Variants in RIC8B observed in about 807,000 individuals in gnomAD.
The protein encoded by RIC8B is RIC8 guanine nucleotide exchange factor B, also known as chaperone Ric-8B.
A neutral mutation model predicts 57.5 loss-of-function variants in RIC8B; 16 were observed. That is an observed-to-expected ratio of 0.28 (90% CI 0.19 to 0.42). The LOEUF is 0.42. RIC8B is among the 10% of genes least tolerant of loss of function. The probability of loss-of-function intolerance (pLI) is 1.00; values close to 1 mark genes in which losing one functional copy is unlikely to be tolerated. For missense variants in RIC8B, 481 were observed against 677.0 expected (o/e 0.71, Z 3.21); for synonymous variants, 216 against 250.8 (o/e 0.86, Z 1.31).
chr12:106,837,797 A>C (rs1041653980), intron 4 of RIC8B, among the ~76,000 whole-genome samples: 1 of 152,076 alleles, frequency 6.6e-6, no homozygotes, highest in African/African-American at 2.4e-5. Flanking sequence ...ACGCGCCAGC[A>C]TGCCTGGCTA....
chr12:106,826,909 A>G (rs1224734026), intron 4 of RIC8B, among the ~76,000 whole-genome samples: 2 of 152,116 alleles, frequency 1.3e-5, no homozygotes, highest in East Asian at 1.9e-4. Flanking sequence ...CCCTATCTCT[A>G]CTAAAAATAC....
intron 6 of RIC8B, among the ~76,000 whole-genome samples, chr12:106,850,791 A>G (rs1022510373): frequency 6.6e-6 from 1 of 152,162 alleles, no homozygotes; most frequent in Non-Finnish European, 1.5e-5. Flanking sequence ...TTTTAATTAA[A>G]TAAAGGTTGA....
At position 106,860,366 on chromosome 12, in the gene RIC8B, G is replaced by C; in HGVS notation, c.1405G>C (p.Glu469Gln). 6.2e-6 allele frequency: 10 copies of C among 1,605,518 alleles called. No homozygotes were observed. Among genetic ancestry groups the C allele is most frequent in the East Asian group, 2.3e-5 (1 of 44,070 alleles). The change falls in exon 8 of 10, where the codon GAG becomes CAG. Residue 469 changes from glutamate to glutamine, a missense_variant. Glu to Gln is a conservative substitution (Grantham distance 29). Coordinates refer to ENST00000392837, the MANE Select transcript of RIC8B (RefSeq NM_001330145.2). Reference protein sequence around the residue: ...AGGRGDNWYSEDEDTDTEEYK... With the variant: ...AGGRGDNWYSQDEDTDTEEYK... ...AGGAAGAGGAGATAATTGGTACTCA[G>C]AGGATGAGGACACAGACACTGAAGA...
chr12:106,836,140 C>T (rs1436690274), intron 4 of RIC8B, among the ~76,000 whole-genome samples: 1 of 152,198 alleles, frequency 6.6e-6, no homozygotes, highest in Non-Finnish European at 1.5e-5. Context: ...GATCATCACT[C>T]CATTCTTAGA....
intron 4 of RIC8B, among the ~76,000 whole-genome samples, chr12:106,835,586 A>G (rs1376783750): frequency 6.6e-6 from 1 of 152,254 alleles, no homozygotes; most frequent in African/African-American, 2.4e-5. Context: ...CCTAAGGCAT[A>G]CTAGAATTCA....
chr12:106,811,661 A>G (rs992247757), intron 2 of RIC8B, among the ~76,000 whole-genome samples: 12 of 152,164 alleles, frequency 7.9e-5, no homozygotes, highest in Non-Finnish European at 1.6e-4. Context: ...TCTGGGGGTC[A>G]ATTTGGAACA....
Position 106,843,913 on chromosome 12 carries a change from C to T in RIC8B, c.1127C>T (p.Ala376Val), listed in dbSNP as rs769819053. ...VLSLLTECSR[A>V]HRNIRKFLKD... ...AGCTTATTAACCGAATGTTCCCGAGCCCATCGAAACATCCGAAAATTTCTC... is the reference window on the plus strand; with the variant it reads ...AGCTTATTAACCGAATGTTCCCGAGTCCATCGAAACATCCGAAAATTTCTC... Residue 376 changes from alanine (A) to valine (V), a missense_variant, in exon 6 of 10, where the codon GCC becomes GTC. By Grantham distance (64) the Ala-to-Val change is moderately conservative. Coordinates refer to ENST00000392837, the MANE Select transcript of RIC8B (RefSeq NM_001330145.2). 2.5e-6 allele frequency: 4 copies of T among 1,613,436 alleles called. No homozygotes were observed. The highest frequency in any genetic ancestry group is 3.4e-6 in the Non-Finnish European group (4 of 1,179,810).
intron 2 of RIC8B, among the ~76,000 whole-genome samples, chr12:106,795,999 G>A (rs538578872): frequency 3.2e-4 from 49 of 152,260 alleles, no homozygotes; most frequent in African/African-American, 1.1e-3. Context: ...AAGGAAATTA[G>A]AGAAGCTTAA....
At chr12:106,846,150 T>G (rs1399924469) in intron 6 of RIC8B, among the ~76,000 whole-genome samples, 1 of 152,238 alleles carries the variant, frequency 6.6e-6, no homozygotes, top group Non-Finnish European at 1.5e-5. Flanking sequence ...ACCTGTCACC[T>G]AAGCTCTAGA....
intron 3 of RIC8B, chr12:106,822,630 A>G (rs1457387870): frequency 1.3e-5 from 2 of 152,346 alleles, no homozygotes; most frequent in African/African-American, 4.8e-5. Flanking sequence ...GTCAGGATGA[A>G]ACTCTTGTGT....
chr12:106,810,899 G>A (rs1435740988), intron 2 of RIC8B, among the ~76,000 whole-genome samples: 1 of 152,138 alleles, frequency 6.6e-6, no homozygotes, highest in Non-Finnish European at 1.5e-5. Flanking sequence ...TGCAGTAAAT[G>A]AGGTCCAGAG....
In RIC8B at chr12:106,810,762, A is replaced by G. The variant is rs139219532; in HGVS notation, c.133-3934A>G. On this transcript the variant is annotated intron_variant, in intron 2 of 9. Coordinates refer to ENST00000392837, the MANE Select transcript of RIC8B (RefSeq NM_001330145.2). The stretch of plus-strand genomic sequence containing the variant: ...GACTCAGAGCAGGTTAGCAGATCTT[A>G]AGTGCCAAACTGAGGACTTTGACAT... 2.8e-3 allele frequency among the ~76,000 whole-genome samples: 419 copies of G among 152,342 alleles called. 2 individuals are homozygous for G. The highest frequency in any genetic ancestry group is 9.0e-3 in the African/African-American group (373 of 41,574).
intron 6 of RIC8B, among the ~76,000 whole-genome samples, chr12:106,846,603 A>G (rs982921206): frequency 6.6e-6 from 1 of 152,132 alleles, no homozygotes; most frequent in Non-Finnish European, 1.5e-5. Flanking sequence ...TCCCTTGACT[A>G]GGAGGAGTTG....
At chr12:106,832,431 G>A (rs1453073102) in intron 4 of RIC8B, among the ~76,000 whole-genome samples, 1 of 152,062 alleles carries the variant, frequency 6.6e-6, no homozygotes, top group Non-Finnish European at 1.5e-5. Context: ...AGATGGGCGG[G>A]TGGTGGGCAC....
intron 2 of RIC8B, among the ~76,000 whole-genome samples, chr12:106,785,351 C>T (rs1262933462): frequency 6.6e-6 from 1 of 152,168 alleles, no homozygotes; most frequent in Non-Finnish European, 1.5e-5. Context: ...CTACTCACCT[C>T]AGGGGCACCT....
chr12:106,864,053 CACTG>C (rs759765672), intron 8 of RIC8B, among the ~76,000 whole-genome samples: 1 of 152,070 alleles, frequency 6.6e-6, no homozygotes, highest in East Asian at 1.9e-4. Flanking sequence ...CACCATATTA[CACTG>C]GTTCTTTCTA....
intron 2 of RIC8B, among the ~76,000 whole-genome samples, chr12:106,786,522 A>G (rs970105705): frequency 1.3e-5 from 2 of 152,206 alleles, no homozygotes; most frequent in African/African-American, 4.8e-5. Context: ...AAATGGCACA[A>G]TCCCTATGGG....
At chr12:106,828,961 G>A (rs1450545380) in intron 4 of RIC8B, among the ~76,000 whole-genome samples, 1 of 151,936 alleles carries the variant, frequency 6.6e-6, no homozygotes, top group Non-Finnish European at 1.5e-5. Flanking sequence ...GAGAAAAGTA[G>A]GTTAAAAAAA....
At position 106,881,545 on chromosome 12, in the gene RIC8B, C is replaced by T. The variant is rs952822445; in HGVS notation, c.1572-4359C>T. Among the ~76,000 whole-genome samples, 22 of 152,150 alleles carry T rather than the reference C, an allele frequency of 1.4e-4. No individual in the cohort carries two copies. The East Asian group carries it at 4.1e-3, about 28-fold the overall frequency. ...GAGCCTGTGGTCAGCATCCCTGTCT[C>T]CTCCTGTGTCCCTCTCACATGTGCA... On this transcript the variant is annotated intron_variant, in intron 9 of 9. Coordinates refer to ENST00000392837, the MANE Select transcript of RIC8B (RefSeq NM_001330145.2).
Sources: allele counts gnomAD v4.1 joint callset (sites outside exome capture counted in the v4.1 genomes callset), GRCh38; gene constraint gnomAD v4.1.1; transcripts MANE v1.5; gene names NCBI Gene and HGNC (gene_info 2026-07-23, HGNC 2026-07-21).